The following SMAD5 variants were observed in gnomAD, a reference collection of about 807,000 sequenced individuals.
The protein encoded by SMAD5 is MAD, mothers against decapentaplegic homolog 5.
Under a neutral mutation model 43.1 loss-of-function variants are expected in SMAD5, and 9 were observed. The observed-to-expected ratio is 0.21, with a 90% CI of 0.13 to 0.36. The LOEUF (loss-of-function observed/expected upper bound fraction) is 0.36, where lower values mean the gene tolerates loss of function less well. Ranked by LOEUF, SMAD5 falls within the 10% of genes least tolerant of loss-of-function variation. The pLI, the probability that SMAD5 is intolerant of heterozygous loss-of-function variation, is 1.00. For synonymous variants in SMAD5, 190 were observed against 192.4 expected (o/e 0.99, Z 0.10); for missense variants, 348 against 574.0 (o/e 0.61, Z 4.02).
In SMAD5 at chr5:136,177,611, C is replaced by A; in HGVS notation, c.*131C>A. On this transcript the variant is annotated 3_prime_UTR_variant, in exon 8 of 8. Coordinates refer to ENST00000545279, the MANE Select transcript of SMAD5 (RefSeq NM_005903.7). ...TTATTTTTTTCTACATAATTGTGAC[C>A]AATACATTTGTATTTTGTGATGAAT... 1 of 653,470 alleles carries A rather than the reference C, an allele frequency of 1.5e-6. No homozygotes were observed. The highest frequency in any genetic ancestry group is 2.6e-6 in the Non-Finnish European group (1 of 390,554). 40.5% of individuals were successfully genotyped at this position (653,470 alleles called of 1,614,324 possible).
intron 2 of SMAD5, among the ~76,000 whole-genome samples, chr5:136,149,482 C>CTT (rs371900186): frequency 7.1e-6 from 1 of 140,530 alleles, no homozygotes; most frequent in African/African-American, 2.6e-5. Context: ...AACAGTTAAT[C>CTT]TTTTTTTTTT....
intron 2 of SMAD5, among the ~76,000 whole-genome samples, chr5:136,148,533 G>T (rs1421823138): frequency 6.6e-6 from 1 of 151,684 alleles, no homozygotes; most frequent in Non-Finnish European, 1.5e-5. Context: ...TTCACAAAAA[G>T]GCAAAACTAT....
rs116315527 is a variant in SMAD5, at chr5:136,159,589, T to A, written c.404-1267T>A. On this transcript the variant is annotated intron_variant, in intron 3 of 7. Transcript: ENST00000545279. ...CTTACTGAACTGAATTCCTGAGTAG[T>A]TATTTCACTAAGTCTCTCAGATTGC... is the stretch of plus-strand genomic sequence containing the variant. 2.0e-3 allele frequency among the ~76,000 whole-genome samples: 307 copies of A among 152,320 alleles called. 1 individual carries two copies. Among genetic ancestry groups the A allele is most frequent in the African/African-American group, 7.0e-3 (292 of 41,570 alleles).
At chr5:136,170,995 T>G (rs1754199700) in intron 5 of SMAD5, among the ~76,000 whole-genome samples, 1 of 152,176 alleles carries the variant, frequency 6.6e-6, no homozygotes, top group Admixed American at 6.5e-5. Flanking sequence ...ACATAGACAA[T>G]CATGTAATTT....
At position 136,153,682 on chromosome 5, in the gene SMAD5, A is replaced by G. The variant is rs1753539837; in HGVS notation, c.-79A>G. ...TGGAACTTCTGCTTAGGACCTGTGTATGACGTTTCACCTGTGATCTGTTCT... is the reference window on the plus strand; with the variant it reads ...TGGAACTTCTGCTTAGGACCTGTGTGTGACGTTTCACCTGTGATCTGTTCT... On this transcript the variant is annotated 5_prime_UTR_variant, in exon 3 of 8. An upstream start codon of the reference 5' UTR is lost. Coordinates refer to ENST00000545279, the MANE Select transcript of SMAD5 (RefSeq NM_005903.7). 2.5e-6 allele frequency: 3 copies of G among 1,193,676 alleles called. No individual in the cohort carries two copies. Among genetic ancestry groups the G allele is most frequent in the Non-Finnish European group, 3.6e-6 (3 of 841,944 alleles). The allele number at this position is 1,193,676 out of a possible 1,614,324, so 73.9% of individuals were successfully genotyped here. A position where few individuals can be genotyped will look rare whatever the true frequency, so the allele number is the denominator to read the frequency against.
Position 136,167,289 on chromosome 5 carries a change from C to T in SMAD5, c.775+3898C>T, listed in dbSNP as rs117671969. ...AGGAATGGGCCTCTACATGTATAAA[C>T]TTTGTATAAACTTTAAAATCTGAGC... On this transcript the variant is annotated intron_variant, in intron 5 of 7. Transcript: ENST00000545279. Among the ~76,000 whole-genome samples the T allele has an allele frequency of 9.9e-5, 15 of 152,138 alleles. No individual in the cohort carries two copies. The East Asian group carries it at 2.9e-3, about 29-fold the overall frequency.
At chr5:136,167,918 A>ACTC (rs1754076931) in intron 5 of SMAD5, among the ~76,000 whole-genome samples, 1 of 151,872 alleles carries the variant, frequency 6.6e-6, no homozygotes, top group South Asian at 2.1e-4. Flanking sequence ...CCCGGGATTG[A>ACTC]ATACAGCGGC....
intron 7 of SMAD5, 81 bp downstream of exon 7, chr5:136,174,713 TAAATG>T (rs1256521898): frequency 3.1e-6 from 3 of 980,432 alleles, no homozygotes; most frequent in Non-Finnish European, 4.6e-6. Flanking sequence ...TAAAAATTGT[TAAATG>T]AAAGTTGATA....
intron 5 of SMAD5, among the ~76,000 whole-genome samples, chr5:136,170,788 AT>A (rs987872988): frequency 6.6e-6 from 1 of 151,872 alleles, no homozygotes; most frequent in Admixed American, 6.6e-5. Context: ...GCATGTTCCT[AT>A]TTTTTTATAT....
chr5:136,145,369 A>C (rs1242667824), intron 1 of SMAD5, among the ~76,000 whole-genome samples: 1 of 151,976 alleles, frequency 6.6e-6, no homozygotes, highest in Non-Finnish European at 1.5e-5. Flanking sequence ...GGGACACCAA[A>C]CAGGCACCAG....
intron 5 of SMAD5, among the ~76,000 whole-genome samples, chr5:136,164,514 T>C (rs921172112): frequency 6.6e-6 from 1 of 152,250 alleles, no homozygotes; most frequent in Admixed American, 6.5e-5. Context: ...TAAATGTACT[T>C]GTTGGCCATT....
At chr5:136,134,037 TGGGGGGGGGGGGGGGGTGTTGC>T (rs1294957041) in intron 1 of SMAD5, 1 of 45,870 alleles carries the variant, frequency 2.2e-5, no homozygotes, top group Admixed American at 3.4e-4. Context: ...GCTGGAGCTT[TGGGGGGGGGGGGGGGGTGTTGC>T]GGGGGGAGGG....
intron 3 of SMAD5, among the ~76,000 whole-genome samples, chr5:136,156,549 A>G (rs113312875): frequency 3.1e-4 from 47 of 152,314 alleles, no homozygotes; most frequent in African/African-American, 1.0e-3. Flanking sequence ...GACAGTTGGT[A>G]TGATATGATT....
chr5:136,175,623 T>C (rs754511499), intron 7 of SMAD5, among the ~76,000 whole-genome samples: 2 of 152,228 alleles, frequency 1.3e-5, no homozygotes, highest in Non-Finnish European at 2.9e-5. Flanking sequence ...TCTACATATT[T>C]AAGCAATCTG....
intron 1 of SMAD5, among the ~76,000 whole-genome samples, chr5:136,137,351 G>T (rs1752923812): frequency 6.8e-6 from 1 of 148,000 alleles, no homozygotes; most frequent in Non-Finnish European, 1.5e-5. Flanking sequence ...GATTTGACCT[G>T]TTAAGATTTT....
chr5:136,133,338 C>G (rs926329238), intron 1 of SMAD5: 10 of 152,716 alleles, frequency 6.5e-5, no homozygotes, highest in Admixed American at 2.0e-4. Flanking sequence ...ATGTACCACC[C>G]TGGATACACA....
intron 1 of SMAD5, among the ~76,000 whole-genome samples, chr5:136,142,364 G>T (rs902269399): frequency 2.6e-5 from 4 of 152,098 alleles, no homozygotes; most frequent in African/African-American, 9.7e-5. Context: ...AGATTCATTT[G>T]TAATTCATGA....
rs551005968 is a variant in SMAD5, at chr5:136,168,258, A to G, written c.776-4176A>G. On this transcript the variant is annotated intron_variant, in intron 5 of 7. Transcript: ENST00000545279. ...TGTATCTCTTCTACCCTTTGTGTCT[A>G]TTATGAGTTACTGACTTTTATATTA... is the stretch of plus-strand genomic sequence containing the variant. 3.9e-5 allele frequency among the ~76,000 whole-genome samples: 6 copies of G among 152,290 alleles called. No individual in the cohort carries two copies. The East Asian group carries it at 7.7e-4, about 20-fold the overall frequency.
rs145876497 is a variant in SMAD5 at position 136,148,402 on chromosome 5, T to C, written c.-170+496T>C. Among the ~76,000 whole-genome samples, 226 of 151,878 alleles carry C rather than the reference T, an allele frequency of 1.5e-3. 3 individuals are homozygous for C. The highest frequency in any genetic ancestry group is 5.2e-3 in the African/African-American group (215 of 41,504). On this transcript the variant is annotated intron_variant, in intron 2 of 7. Coordinates refer to ENST00000545279, the MANE Select transcript of SMAD5 (RefSeq NM_005903.7). ...ATTACTGTAAAAGTGGTAGATTCCCTGAGCTCAGTATTCCTCATCCATGCA... is the reference window on the plus strand; with the variant it reads ...ATTACTGTAAAAGTGGTAGATTCCCCGAGCTCAGTATTCCTCATCCATGCA...
Sources: gnomAD v4.1 joint callset for allele counts (sites outside exome capture counted in the v4.1 genomes callset) on GRCh38, gnomAD v4.1.1 for gene constraint, MANE v1.5 for transcripts, NCBI Gene and HGNC (gene_info 2026-07-23, HGNC 2026-07-21) for gene names.